Variants in POU2AF2 observed in about 807,000 individuals in gnomAD.
The protein encoded by POU2AF2 is POU domain class 2-associating factor 2.
chr11:111,274,172 T>C, the POU2AF2 span, among the ~76,000 whole-genome samples: 7 of 152,080 alleles, frequency 4.6e-5, no homozygotes, highest in Non-Finnish European at 1.0e-4. Context: ...GGAAATGGGA[T>C]GGAGAAGCAA....
the POU2AF2 span, among the ~76,000 whole-genome samples, chr11:111,280,051 A>ATATATAT: frequency 3.8e-4 from 24 of 63,934 alleles, no homozygotes; most frequent in South Asian, 2.2e-3. Context: ...AAAAAAAAAA[A>ATATATAT]AAAAAAATAT....
the POU2AF2 span, among the ~76,000 whole-genome samples, chr11:111,259,804 A>G: frequency 6.6e-6 from 1 of 152,240 alleles, no homozygotes; most frequent in African/African-American, 2.4e-5. Flanking sequence ...ATATGAACTC[A>G]TCTTTAACTT....
chr11:111,285,789 G>A, the POU2AF2 span: 30 of 1,610,770 alleles, frequency 1.9e-5, no homozygotes, highest in African/African-American at 1.3e-4. Context: ...CAGCACAGGG[G>A]CTCAAGCTGG....
chr11:111,285,775 C>T, the POU2AF2 span: 7 of 1,611,814 alleles, frequency 4.3e-6, no homozygotes, highest in African/African-American at 4.0e-5. Context: ...CCGGGAGCAT[C>T]GCCCAGCACA....
the POU2AF2 span, chr11:111,281,375 C>G: frequency 6.3e-7 from 1 of 1,587,050 alleles, no homozygotes; most frequent in African/African-American, 1.4e-5. Flanking sequence ...AAAGAAAACA[C>G]TTGAATTCTG....
the POU2AF2 span, chr11:111,283,971 G>A: frequency 1.8e-5 from 18 of 984,982 alleles, no homozygotes; most frequent in Non-Finnish European, 2.5e-5. Context: ...TTGGAGTCAG[G>A]CACGCGTTAG....
the POU2AF2 span, among the ~76,000 whole-genome samples, chr11:111,251,465 A>G: frequency 6.6e-6 from 1 of 152,214 alleles, no homozygotes; most frequent in African/African-American, 2.4e-5. Flanking sequence ...CCAAGACTGA[A>G]GTCCACGTCT....
chr11:111,246,347 A>T, the POU2AF2 span, among the ~76,000 whole-genome samples: 1 of 152,210 alleles, frequency 6.6e-6, no homozygotes, highest in African/African-American at 2.4e-5. Flanking sequence ...TTTACATATG[A>T]TAAGGAAGAG....
chr11:111,283,038 C>G, the POU2AF2 span, among the ~76,000 whole-genome samples: 4 of 151,172 alleles, frequency 2.6e-5, no homozygotes, highest in African/African-American at 9.8e-5. Flanking sequence ...CTCCCTCTCT[C>G]CACCAAGGAA....
chr11:111,285,860 A>C, the POU2AF2 span: 2 of 1,608,378 alleles, frequency 1.2e-6, no homozygotes, highest in Non-Finnish European at 1.7e-6. Flanking sequence ...TCTGCACCAC[A>C]CTCCGGGGTA....
the POU2AF2 span, among the ~76,000 whole-genome samples, chr11:111,265,447 G>A: frequency 6.6e-6 from 1 of 152,076 alleles, no homozygotes; most frequent in East Asian, 1.9e-4. Flanking sequence ...CTGAATATCA[G>A]AGTCAGACAG....
At chr11:111,268,491 TATTTTATTTTA>T in the POU2AF2 span, among the ~76,000 whole-genome samples, 25 of 40,898 alleles carry the variant, frequency 6.1e-4, no homozygotes, top group Non-Finnish European at 1.1e-3. Flanking sequence ...TATTTTATTT[TATTTTATTTTA>T]TTTTATTTTA....
chr11:111,262,972 AT>A, the POU2AF2 span, among the ~76,000 whole-genome samples: 1 of 152,158 alleles, frequency 6.6e-6, no homozygotes, highest in African/African-American at 2.4e-5. Flanking sequence ...TGTTTTTTTC[AT>A]TCCAACCTCA....
the POU2AF2 span, among the ~76,000 whole-genome samples, chr11:111,268,506 T>TGAGATGG: frequency 3.7e-5 from 4 of 106,812 alleles, no homozygotes; most frequent in Non-Finnish European, 6.0e-5. Flanking sequence ...TATTTTATTT[T>TGAGATGG]ATTTTATTTT....
At chr11:111,276,439 GA>G in the POU2AF2 span, among the ~76,000 whole-genome samples, 395 of 44,408 alleles carry the variant, frequency 8.9e-3, 9 homozygotes, top group African/African-American at 0.03. Context: ...CTACTAAAAA[GA>G]AAAAAAAAAA....
the POU2AF2 span, chr11:111,284,164 C>T: frequency 1.2e-5 from 19 of 1,614,186 alleles, no homozygotes; most frequent in Non-Finnish European, 1.6e-5. Context: ...TTTCAAATGA[C>T]GTCTACACCT....
At chr11:111,252,158 G>C in the POU2AF2 span, among the ~76,000 whole-genome samples, 11 of 152,256 alleles carry the variant, frequency 7.2e-5, 2 homozygotes, top group African/African-American at 2.6e-4. Flanking sequence ...CTCCTTCCCA[G>C]AGTTGTCTAA....
the POU2AF2 span, among the ~76,000 whole-genome samples, chr11:111,282,428 A>G: frequency 1.3e-5 from 2 of 152,268 alleles, no homozygotes; most frequent in African/African-American, 4.8e-5. Flanking sequence ...GTTAGAAGTT[A>G]TAGAATGTAA....
chr11:111,259,821 C>T, the POU2AF2 span, among the ~76,000 whole-genome samples: 1 of 152,180 alleles, frequency 6.6e-6, no homozygotes, highest in East Asian at 1.9e-4. Flanking sequence ...ACTTCCTGTC[C>T]CCATCATATT....
Sources: allele counts gnomAD v4.1 joint callset (sites outside exome capture counted in the v4.1 genomes callset), GRCh38; gene constraint gnomAD v4.1.1; transcripts MANE v1.5; gene names NCBI Gene and HGNC (gene_info 2026-07-23, HGNC 2026-07-21).